NXPE2: variants seen among roughly 807,000 people sequenced by gnomAD.
The protein encoded by NXPE2 is NXPE family member 2.
In NXPE2, 34 loss-of-function variants were observed where a neutral mutation model predicts 34.4. That is an observed-to-expected ratio of 0.99 (90% CI 0.75 to 1.31). The LOEUF (loss-of-function observed/expected upper bound fraction) is 1.31, where lower values mean the gene tolerates loss of function less well. Ranked by LOEUF, NXPE2 falls within the 40% of genes most tolerant of loss-of-function variation. The probability of loss-of-function intolerance (pLI) is 0.00; values close to 1 mark genes in which losing one functional copy is unlikely to be tolerated. For missense variants in NXPE2, 649 were observed against 672.5 expected, an observed-to-expected ratio of 0.97 and a Z score of 0.39; for synonymous variants, 235 against 231.3, an observed-to-expected ratio of 1.02 and a Z score of -0.15.
the NXPE2 span, among the ~76,000 whole-genome samples, chr11:114,672,296 C>A: frequency 6.6e-6 from 1 of 151,768 alleles, no homozygotes; most frequent in Non-Finnish European, 1.5e-5. Flanking sequence ...ATCTACTGTG[C>A]AAGTTAATTG....
chr11:114,639,077 C>T, the NXPE2 span, among the ~76,000 whole-genome samples: 2 of 152,098 alleles, frequency 1.3e-5, no homozygotes, highest in Non-Finnish European at 2.9e-5. Context: ...GAGGTGGAGC[C>T]TACAGAGGCA....
chr11:114,580,730 G>T, the NXPE2 span, among the ~76,000 whole-genome samples: 1 of 152,118 alleles, frequency 6.6e-6, no homozygotes, highest in Non-Finnish European at 1.5e-5. Flanking sequence ...TGTCTTAAAT[G>T]ACACCATCAA....
intron 2 of NXPE2, among the ~76,000 whole-genome samples, chr11:114,685,922 T>C (rs2135539973): frequency 6.6e-6 from 1 of 152,090 alleles, no homozygotes; most frequent in Admixed American, 6.6e-5. Flanking sequence ...AACTAAGGAA[T>C]GGGAGAGGGT....
At chr11:114,716,115 C>T in the NXPE2 span, among the ~76,000 whole-genome samples, 1 of 152,236 alleles carries the variant, frequency 6.6e-6, no homozygotes, top group Non-Finnish European at 1.5e-5. Flanking sequence ...CATGCCCATT[C>T]ATCCTGTCCA....
At chr11:114,582,563 A>G in the NXPE2 span, 32 of 1,614,124 alleles carry the variant, frequency 2.0e-5, no homozygotes, top group South Asian at 1.5e-4. Flanking sequence ...ACACCCCTTC[A>G]CTGGGGTGGA....
chr11:114,799,933 C>T, the NXPE2 span, among the ~76,000 whole-genome samples: 15 of 151,536 alleles, frequency 9.9e-5, no homozygotes, highest in Non-Finnish European at 1.5e-4. Context: ...CCCTCCCTCC[C>T]GTCTTCATCC....
At chr11:114,700,750 G>A (rs1275387274) in intron 3 of NXPE2, among the ~76,000 whole-genome samples, 1 of 152,158 alleles carries the variant, frequency 6.6e-6, no homozygotes, top group East Asian at 1.9e-4. Flanking sequence ...GGACTTCTCA[G>A]AAACTTTAAT....
In NXPE2 at chr11:114,702,700, A is replaced by G. The variant is rs114024068; in HGVS notation, c.867-1291A>G. Among the ~76,000 whole-genome samples the G allele has an allele frequency of 9.4e-3, 1,434 of 152,284 alleles. 21 individuals carry two copies. The highest frequency in any genetic ancestry group is 0.033 in the African/African-American group (1,374 of 41,550). Reference sequence around the variant, plus strand: ...ACATATCCAGTTGAATTGCAGAGTCAGAACGGGATTCCCAGTCGATCTTAT... The same window carrying G: ...ACATATCCAGTTGAATTGCAGAGTCGGAACGGGATTCCCAGTCGATCTTAT... On this transcript the variant is annotated intron_variant, in intron 3 of 5. Transcript: ENST00000389586.
At chr11:114,780,275 T>C in the NXPE2 span, among the ~76,000 whole-genome samples, 1 of 152,224 alleles carries the variant, frequency 6.6e-6, no homozygotes, top group Admixed American at 6.5e-5. Flanking sequence ...CTTCAGCAGC[T>C]GCTGGGCTCC....
At chr11:114,553,856 A>G in the NXPE2 span, 313,386 of 951,220 alleles carry the variant, frequency 0.33, 52,523 homozygotes, top group East Asian at 0.67. Flanking sequence ...TCATCTTGGT[A>G]GCTTGAAATA....
chr11:114,592,081 GA>G, the NXPE2 span, among the ~76,000 whole-genome samples: 2 of 152,252 alleles, frequency 1.3e-5, no homozygotes, highest in Non-Finnish European at 2.9e-5. Context: ...CATTCAATGT[GA>G]AAAAGTCAAA....
At chr11:114,751,033 C>A in the NXPE2 span, among the ~76,000 whole-genome samples, 1 of 152,120 alleles carries the variant, frequency 6.6e-6, no homozygotes, top group Non-Finnish European at 1.5e-5. Context: ...CACTCAGGGA[C>A]TCAGGCTGTC....
chr11:114,635,078 G>T, the NXPE2 span, among the ~76,000 whole-genome samples: 1 of 151,754 alleles, frequency 6.6e-6, no homozygotes, highest in Non-Finnish European at 1.5e-5. Flanking sequence ...TCACGATATT[G>T]ATTCTTCCTA....
chr11:114,658,258 G>A, the NXPE2 span, among the ~76,000 whole-genome samples: 79 of 152,332 alleles, frequency 5.2e-4, 1 homozygote, highest in East Asian at 0.015. Flanking sequence ...GGGAGCAGGG[G>A]AAGAGGATGA....
At chr11:114,770,547 G>T in the NXPE2 span, among the ~76,000 whole-genome samples, 3 of 152,214 alleles carry the variant, frequency 2.0e-5, no homozygotes, top group Non-Finnish European at 4.4e-5. Flanking sequence ...GCAGAAAGCC[G>T]CATAAATAGA....
the NXPE2 span, among the ~76,000 whole-genome samples, chr11:114,600,233 A>G: frequency 9.2e-5 from 14 of 152,194 alleles, no homozygotes; most frequent in African/African-American, 3.4e-4. Context: ...TACCCAAGTG[A>G]TGATGGGTTA....
At chr11:114,725,792 TC>T in the NXPE2 span, among the ~76,000 whole-genome samples, 2 of 151,482 alleles carry the variant, frequency 1.3e-5, no homozygotes, top group Admixed American at 6.6e-5. Flanking sequence ...TCAGTTCAGT[TC>T]TCTTCATTTA....
At chr11:114,546,205 A>G in the NXPE2 span, among the ~76,000 whole-genome samples, 2 of 152,212 alleles carry the variant, frequency 1.3e-5, no homozygotes, top group African/African-American at 4.8e-5. Flanking sequence ...CTGTACTCTC[A>G]GTTAACAATT....
the NXPE2 span, among the ~76,000 whole-genome samples, chr11:114,629,131 C>T: frequency 6.6e-6 from 1 of 151,998 alleles, no homozygotes; most frequent in Non-Finnish European, 1.5e-5. Context: ...GAAACTATTC[C>T]AATCAATAGA....
Sources: gnomAD v4.1 joint callset for allele counts (sites outside exome capture counted in the v4.1 genomes callset) on GRCh38, gnomAD v4.1.1 for gene constraint, MANE v1.5 for transcripts, NCBI Gene and HGNC (gene_info 2026-07-23, HGNC 2026-07-21) for gene names.